CSMD3: variants seen among roughly 807,000 people sequenced by gnomAD.
CSMD3 encodes CUB and sushi domain-containing protein 3.
Under a neutral mutation model 435.2 loss-of-function variants are expected in CSMD3, and 177 were observed. That is an observed-to-expected ratio of 0.41 (90% CI 0.36 to 0.46). The LOEUF is 0.46. Ranked by LOEUF, CSMD3 falls within the 20% of genes least tolerant of loss-of-function variation. CSMD3 has a pLI of 0.34. For missense variants in CSMD3, 4,265 were observed against 4,504.6 expected (o/e 0.95, Z 1.52); for synonymous variants, 1,656 against 1,520.5 (o/e 1.09, Z -2.07).
intron 1 of CSMD3, among the ~76,000 whole-genome samples, chr8:113,404,594 A>G (rs17683428): frequency 0.035 from 5,289 of 151,444 alleles, 132 homozygotes; most frequent in Non-Finnish European, 0.052. Flanking sequence ...TGAAACCCTG[A>G]TATTGTCTGA....
At chr8:112,789,554 T>C (rs2078635002) in intron 13 of CSMD3, among the ~76,000 whole-genome samples, 1 of 151,988 alleles carries the variant, frequency 6.6e-6, no homozygotes, top group South Asian at 2.1e-4. Flanking sequence ...TGTTAGTATA[T>C]GACAGATAAT....
At chr8:112,697,231 A>G (rs1039049860) in intron 13 of CSMD3, among the ~76,000 whole-genome samples, 3 of 152,230 alleles carry the variant, frequency 2.0e-5, no homozygotes, top group Non-Finnish European at 4.4e-5. Context: ...TACTGGGTAT[A>G]TACCCAAAGG....
chr8:112,326,490 T>G (rs1057224053), intron 45 of CSMD3, among the ~76,000 whole-genome samples: 1 of 152,208 alleles, frequency 6.6e-6, no homozygotes, highest in Admixed American at 6.5e-5. Context: ...CAAGATTGAG[T>G]TAAAATATTA....
intron 7 of CSMD3, among the ~76,000 whole-genome samples, chr8:112,971,148 A>G (rs1169402269): frequency 6.6e-6 from 1 of 152,206 alleles, no homozygotes; most frequent in Non-Finnish European, 1.5e-5. Context: ...GTTTCTCATA[A>G]TAAATTTGTG....
intron 55 of CSMD3, among the ~76,000 whole-genome samples, 174 bp from the exon 56 acceptor site, chr8:112,291,869 G>A (rs979233176): frequency 6.6e-6 from 1 of 151,820 alleles, no homozygotes; most frequent in Admixed American, 6.6e-5. Flanking sequence ...ACATCTATGT[G>A]GTAGAAAATA....
intron 16 of CSMD3, among the ~76,000 whole-genome samples, chr8:112,675,132 T>C (rs2075743657): frequency 6.6e-6 from 1 of 152,092 alleles, no homozygotes; most frequent in Non-Finnish European, 1.5e-5. Context: ...GAGATCTAAG[T>C]TGCCAAAGCT....
chr8:113,432,818 T>G (rs578261355), intron 1 of CSMD3, among the ~76,000 whole-genome samples: 7 of 152,318 alleles, frequency 4.6e-5, no homozygotes, highest in African/African-American at 1.7e-4. Flanking sequence ...TCTGGAGTCC[T>G]GGGAACATTA....
chr8:112,276,738 C>A (rs1818082073), intron 59 of CSMD3, among the ~76,000 whole-genome samples: 2 of 152,196 alleles, frequency 1.3e-5, no homozygotes, highest in Admixed American at 6.5e-5. Context: ...CCTGGACGTA[C>A]AGGCATGTCC....
chr8:112,764,814 TGA>T (rs2077933728), intron 13 of CSMD3, among the ~76,000 whole-genome samples: 1 of 151,716 alleles, frequency 6.6e-6, no homozygotes, highest in South Asian at 2.1e-4. Flanking sequence ...TCTTTACAAA[TGA>T]GATTAGTAAA....
chr8:112,877,150 G>C (rs1018287586), intron 10 of CSMD3, among the ~76,000 whole-genome samples: 3 of 152,022 alleles, frequency 2.0e-5, no homozygotes, highest in Non-Finnish European at 2.9e-5. Flanking sequence ...TCATGGATAG[G>C]AAGAATCAAT....
At chr8:112,833,125 T>C (rs886824217) in intron 11 of CSMD3, among the ~76,000 whole-genome samples, 5 of 152,084 alleles carry the variant, frequency 3.3e-5, no homozygotes, top group African/African-American at 1.2e-4. Flanking sequence ...TTTTGTTCTT[T>C]GGGAGTATTT....
chr8:112,882,600 A>G (rs1241003592), intron 10 of CSMD3, among the ~76,000 whole-genome samples: 1 of 151,986 alleles, frequency 6.6e-6, no homozygotes. Flanking sequence ...CGTGTGAACC[A>G]CAGATCCTAC....
intron 1 of CSMD3, among the ~76,000 whole-genome samples, chr8:113,345,519 T>C (rs145274088): frequency 2.0e-5 from 3 of 152,272 alleles, no homozygotes; most frequent in Non-Finnish European, 2.9e-5. Context: ...GAAGTTCTGA[T>C]ATTTCCATAT....
chr8:113,357,881 G>C (rs113583101), intron 1 of CSMD3, among the ~76,000 whole-genome samples: 17 of 152,236 alleles, frequency 1.1e-4, no homozygotes, highest in African/African-American at 3.6e-4. Flanking sequence ...TGCCATGATT[G>C]TAAGTTTACT....
At chr8:112,235,754 A>G (rs1012774146) in intron 67 of CSMD3, among the ~76,000 whole-genome samples, 2 of 152,162 alleles carry the variant, frequency 1.3e-5, no homozygotes, top group Non-Finnish European at 2.9e-5. Context: ...GCTAAGGTAA[A>G]TTATAATCAA....
chr8:113,342,983 G>C (rs1450630809), intron 1 of CSMD3, among the ~76,000 whole-genome samples: 1 of 151,910 alleles, frequency 6.6e-6, no homozygotes, highest in Non-Finnish European at 1.5e-5. Context: ...AGAGGAAGAA[G>C]AAAAATGGAA....
chr8:112,342,943 CAT>C (rs1279639608), intron 41 of CSMD3, among the ~76,000 whole-genome samples: 1 of 122,268 alleles, frequency 8.2e-6, no homozygotes, highest in Admixed American at 9.5e-5. Flanking sequence ...TATTCTTGAA[CAT>C]ATGTTTCTTT....
intron 2 of CSMD3, chr8:113,309,324 A>T (rs1376565797): frequency 1.3e-5 from 2 of 152,210 alleles, no homozygotes; most frequent in South Asian, 4.1e-4. Flanking sequence ...GACGTGAATG[A>T]TCCTATCACC....
Position 112,968,591 on chromosome 8 carries a change from C to A in CSMD3, c.1342+7246G>T, listed in dbSNP as rs987516514. 2.2e-4 allele frequency among the ~76,000 whole-genome samples: 34 copies of A among 151,880 alleles called. 1 individual carries two copies. The highest frequency in any genetic ancestry group is 7.7e-4 in the African/African-American group (32 of 41,412). On this transcript the variant is annotated intron_variant, in intron 7 of 70. Coordinates refer to ENST00000297405, the MANE Select transcript of CSMD3 (RefSeq NM_198123.2). ...CAGATTTAATCTCTCTTACACAGAA[C>A]AACATATCAAGCATTTCAAGACAGT...
Sources: gnomAD v4.1 joint callset for allele counts (sites outside exome capture counted in the v4.1 genomes callset) on GRCh38, gnomAD v4.1.1 for gene constraint, MANE v1.5 for transcripts, NCBI Gene and HGNC (gene_info 2026-07-23, HGNC 2026-07-21) for gene names.